The following BCAR3 variants were observed in gnomAD, a reference collection of about 807,000 sequenced individuals.
BCAR3 encodes the protein BCAR3 adaptor protein, NSP family member.
In BCAR3, 37 loss-of-function variants were observed where a neutral mutation model predicts 80.1. The observed-to-expected ratio is 0.46, with a 90% CI of 0.36 to 0.61. BCAR3 has a LOEUF of 0.61. BCAR3 is among the 20% of genes least tolerant of loss of function. The pLI, the probability that BCAR3 is intolerant of heterozygous loss-of-function variation, is 0.00. For synonymous variants in BCAR3, 389 were observed against 418.9 expected (o/e 0.93, Z 0.87); for missense variants, 978 against 1,068.2 (o/e 0.92, Z 1.18).
chr1:93,567,168 T>G, intron 11 of BCAR3, 111 bp downstream of exon 11: 1 of 1,323,792 alleles, frequency 7.6e-7, no homozygotes. Context: ...ATTCCATTCT[T>G]TAATCCTTCC....
intron 2 of BCAR3, among the ~76,000 whole-genome samples, chr1:93,728,508 GAAGAAT>G (rs1317806300): frequency 6.6e-6 from 1 of 152,246 alleles, no homozygotes; most frequent in Non-Finnish European, 1.5e-5. Flanking sequence ...TGGTGTACCA[GAAGAAT>G]TGGATCACGC....
At chr1:93,744,814 C>G (rs141107235) in intron 2 of BCAR3, among the ~76,000 whole-genome samples, 11 of 152,290 alleles carry the variant, frequency 7.2e-5, no homozygotes, top group African/African-American at 2.6e-4. Flanking sequence ...GTCTTCCCCA[C>G]GAGGAAATCC....
intron 2 of BCAR3, among the ~76,000 whole-genome samples, chr1:93,735,791 C>G (rs1294294070): frequency 6.6e-6 from 1 of 152,208 alleles, no homozygotes; most frequent in Admixed American, 6.5e-5. Context: ...ATGGCCTGCG[C>G]CAGTAAATAA....
At chr1:93,684,617 GT>G (rs1362062709), upstream of BCAR3, among the ~76,000 whole-genome samples, 2 of 152,246 alleles carry the variant, frequency 1.3e-5, no homozygotes, top group African/African-American at 4.8e-5. Context: ...ACTCAGGAAG[GT>G]TAAGTAACTT....
At chr1:93,758,580 C>T (rs187154607) in intron 2 of BCAR3, among the ~76,000 whole-genome samples, 4 of 152,228 alleles carry the variant, frequency 2.6e-5, no homozygotes, top group East Asian at 1.9e-4. Context: ...TACAACCTTA[C>T]TCTGCTTTGC....
intron 2 of BCAR3, among the ~76,000 whole-genome samples, chr1:93,797,587 GGTTAAGCAAAACCA>G (rs1380409736): frequency 2.6e-5 from 4 of 152,000 alleles, no homozygotes; most frequent in Non-Finnish European, 4.4e-5. Context: ...GCTGCTCTTA[GGTTAAGCAAAACCA>G]GTGGAAGAGC....
chr1:93,693,651 T>A (rs113650323), intron 3 of BCAR3, among the ~76,000 whole-genome samples: 304 of 152,316 alleles, frequency 2.0e-3, no homozygotes, highest in Non-Finnish European at 2.9e-3. Flanking sequence ...ACAGATCAGG[T>A]GGTCCTTTAA....
At chr1:93,573,690 G>A (rs1570914675) in intron 8 of BCAR3, among the ~76,000 whole-genome samples, 3 of 149,700 alleles carry the variant, frequency 2.0e-5, no homozygotes, top group Middle Eastern at 3.5e-3. Flanking sequence ...GTGCAGTGGT[G>A]TGATCATGGC....
chr1:93,595,416 T>C (rs890451365), intron 3 of BCAR3, among the ~76,000 whole-genome samples: 1 of 152,192 alleles, frequency 6.6e-6, no homozygotes, highest in Non-Finnish European at 1.5e-5. Flanking sequence ...GAGGGCTGGC[T>C]CGAATACACT....
Position 93,582,856 on chromosome 1 carries a change from T to C in BCAR3, c.1131A>G (p.Ala377=), listed in dbSNP as rs1368711761. ...CGTCTGAGGAGACCCTCCGAACCAC[T>C]GCTGGGCTCAGGGCAGGCTCGCTTC... ...RTGSEPALSP[A]VVRRVSSDAR... is the part of the protein sequence containing the mutation. The change falls in exon 7 of 12, where the codon GCA becomes GCG. Residue 377 remains alanine (A), a synonymous_variant. Coordinates refer to ENST00000260502, the MANE Select transcript of BCAR3 (RefSeq NM_003567.4). 6.2e-7 allele frequency: 1 copy of C among 1,612,870 alleles called. No individual in the cohort carries two copies. Among genetic ancestry groups the C allele is most frequent in the East Asian group, 2.2e-5 (1 of 44,858 alleles).
At chr1:93,579,023 C>T (rs929993051) in intron 7 of BCAR3, among the ~76,000 whole-genome samples, 1 of 152,208 alleles carries the variant, frequency 6.6e-6, no homozygotes, top group Admixed American at 6.5e-5. Flanking sequence ...GTCCTCACTT[C>T]TAGCTATAGG....
intron 2 of BCAR3, among the ~76,000 whole-genome samples, chr1:93,818,879 G>A (rs1400195212): frequency 6.6e-6 from 1 of 152,206 alleles, no homozygotes; most frequent in East Asian, 1.9e-4. Flanking sequence ...GATTAAATGA[G>A]CAAATGAGTG....
chr1:93,728,303 G>A (rs534001247), intron 2 of BCAR3, among the ~76,000 whole-genome samples: 7 of 152,340 alleles, frequency 4.6e-5, no homozygotes, highest in Middle Eastern at 3.4e-3. Context: ...GCACACAGAC[G>A]GGCAGGTCGT....
At chr1:93,720,869 C>T (rs960904928) in intron 2 of BCAR3, among the ~76,000 whole-genome samples, 1 of 152,086 alleles carries the variant, frequency 6.6e-6, no homozygotes. Context: ...AAGAAGCTGC[C>T]GGAACTCCCA....
At chr1:93,630,181 A>G (rs1675570351) in intron 3 of BCAR3, among the ~76,000 whole-genome samples, 1 of 152,208 alleles carries the variant, frequency 6.6e-6, no homozygotes, top group Admixed American at 6.5e-5. Context: ...CTGTATCAAA[A>G]TATCTCATAT....
chr1:93,748,078 G>A (rs141860368), intron 2 of BCAR3, among the ~76,000 whole-genome samples: 154 of 152,270 alleles, frequency 1.0e-3, no homozygotes, highest in African/African-American at 3.6e-3. Flanking sequence ...AGTCCTAGGT[G>A]CCTCCTTTCT....
At chr1:93,832,422 T>C (rs1040894179) in intron 2 of BCAR3, among the ~76,000 whole-genome samples, 3 of 152,188 alleles carry the variant, frequency 2.0e-5, no homozygotes, top group African/African-American at 4.8e-5. Flanking sequence ...GGGACCCCAC[T>C]GCAAATCAGA....
chr1:93,661,366 C>T (rs1052315974), intron 2 of BCAR3, among the ~76,000 whole-genome samples: 6 of 151,776 alleles, frequency 4.0e-5, no homozygotes, highest in African/African-American at 9.7e-5. Context: ...TTAGTAGAGA[C>T]GGTATGGGTT....
chr1:93,567,046 C>T (rs936086774), intron 11 of BCAR3, among the ~76,000 whole-genome samples: 1 of 152,132 alleles, frequency 6.6e-6, no homozygotes, highest in Admixed American at 6.6e-5. Context: ...TTCTTGACCC[C>T]TTCTCTCTGT....
Sources: gnomAD v4.1 joint callset for allele counts (sites outside exome capture counted in the v4.1 genomes callset) on GRCh38, gnomAD v4.1.1 for gene constraint, MANE v1.5 for transcripts, NCBI Gene and HGNC (gene_info 2026-07-23, HGNC 2026-07-21) for gene names.